Variants in ABHD18 observed in about 807,000 individuals in gnomAD.
The protein encoded by ABHD18 is abhydrolase domain containing 18.
ABHD18 carries 55 observed loss-of-function variants against 65.9 expected under a neutral mutation model. That is an observed-to-expected ratio of 0.84 (90% CI 0.67 to 1.05). The LOEUF (loss-of-function observed/expected upper bound fraction) is 1.05, where lower values mean the gene tolerates loss of function less well. Ranked by LOEUF, ABHD18 falls within the 50% of genes least tolerant of loss-of-function variation. The pLI, the probability that ABHD18 is intolerant of heterozygous loss-of-function variation, is 0.00. For synonymous variants in ABHD18, 181 were observed against 180.2 expected, an observed-to-expected ratio of 1.00 and a Z score of -0.04; for missense variants, 533 against 558.5, an observed-to-expected ratio of 0.95 and a Z score of 0.46.
chr4:127,966,797 A>G (rs2149023910), intron 1 of ABHD18, among the ~76,000 whole-genome samples: 1 of 145,210 alleles, frequency 6.9e-6, no homozygotes, highest in African/African-American at 2.6e-5. Context: ...AGGCAGGAGA[A>G]TCCCTTGAAC....
At chr4:127,967,782 T>G (rs1447481144) in intron 1 of ABHD18, among the ~76,000 whole-genome samples, 1 of 151,562 alleles carries the variant, frequency 6.6e-6, no homozygotes, top group Non-Finnish European at 1.5e-5. Context: ...CATATATATA[T>G]ATGTAATTTT....
chr4:128,021,058 T>A, intron 9 of ABHD18, 79 bp from the exon 10 acceptor site: 44 of 731,480 alleles, frequency 6.0e-5, no homozygotes, highest in Non-Finnish European at 8.9e-5. Flanking sequence ...AAAGGTAGTC[T>A]CACACAGTAA....
At chr4:128,002,674 C>T (rs766140871) in intron 4 of ABHD18, among the ~76,000 whole-genome samples, 6 of 152,042 alleles carry the variant, frequency 3.9e-5, no homozygotes, top group East Asian at 1.9e-4. Context: ...GACAGAGTCT[C>T]GCTCTGTCAC....
At chr4:128,021,397 G>T (rs920967679) in intron 10 of ABHD18, among the ~76,000 whole-genome samples, 159 bp downstream of exon 10, 3 of 151,952 alleles carry the variant, frequency 2.0e-5, no homozygotes, top group East Asian at 1.9e-4. Context: ...GGCATGGTGG[G>T]TCACACCTGT....
At chr4:127,974,783 T>A (rs1462813534) in intron 1 of ABHD18, among the ~76,000 whole-genome samples, 1 of 151,390 alleles carries the variant, frequency 6.6e-6, no homozygotes, top group African/African-American at 2.4e-5. Context: ...TCACCTGAGG[T>A]CAGGAGTTCG....
Position 128,028,665 on chromosome 4 carries a change from T to A in ABHD18, c.992T>A (p.Leu331Ter), listed in dbSNP as rs753277762. The change falls in exon 11 of 13, where the codon TTG (leucine) becomes TAG (stop). Residue 331 changes from leucine to a stop codon, truncating the protein, a stop_gained. Transcript: ENST00000645843. LOFTEE classifies it high-confidence loss of function. ...AGTGCGACATCAGAAGGACTCTTATTGCAAGATACCTCTAAGATGAAGCGC... is the reference window on the plus strand; with the variant it reads ...AGTGCGACATCAGAAGGACTCTTATAGCAAGATACCTCTAAGATGAAGCGC... ...SVSATSEGLL[L>*]QDTSKMKRFN... 2 of 1,613,866 alleles carry A rather than the reference T, an allele frequency of 1.2e-6. No homozygotes were observed. Among genetic ancestry groups the A allele is most frequent in the Non-Finnish European group, 1.7e-6 (2 of 1,179,852 alleles).
At chr4:128,027,979 A>T (rs1191269379) in intron 10 of ABHD18, among the ~76,000 whole-genome samples, 2 of 152,216 alleles carry the variant, frequency 1.3e-5, no homozygotes, top group East Asian at 3.8e-4. Flanking sequence ...AAGTCATGGT[A>T]AATATATACA....
At chr4:127,995,485 G>T (rs933221426) in intron 4 of ABHD18, among the ~76,000 whole-genome samples, 3 of 152,010 alleles carry the variant, frequency 2.0e-5, no homozygotes, top group Non-Finnish European at 4.4e-5. Flanking sequence ...AGAGTAGAAA[G>T]ATCAATATTT....
intron 10 of ABHD18, among the ~76,000 whole-genome samples, chr4:128,021,613 C>A (rs968239039): frequency 2.7e-5 from 4 of 150,108 alleles, no homozygotes; most frequent in African/African-American, 1.0e-4. Context: ...AAGATTGTGC[C>A]ACTGCACTGC....
rs1359236427 is a variant in ABHD18, at chr4:127,984,413, A to G, written c.167A>G (p.His56Arg). Residue 56 changes from histidine to arginine, a missense_variant, in exon 3 of 13, where the codon CAC (histidine) becomes CGC (arginine). By Grantham distance (29) the His-to-Arg change is conservative (BLOSUM62 0). Around this residue, in one of 3 missense-constraint regions of ABHD18, gnomAD observed 309 missense variants for 313.5 expected, o/e 0.99. Transcript: ENST00000645843. ...QNLVSSDYPVHIDKIEEQSDC... is the reference protein window; with the variant it reads ...QNLVSSDYPVRIDKIEEQSDC... ...CTGGTTTCAAGCGATTATCCAGTACACATTGATAAGGTATTCAAATGAGAG... is the reference window on the plus strand; with the variant it reads ...CTGGTTTCAAGCGATTATCCAGTACGCATTGATAAGGTATTCAAATGAGAG... The G allele has an allele frequency of 2.6e-6, 4 of 1,533,098 alleles. No homozygotes were observed. The East Asian group carries it at 7.3e-5, about 28-fold the overall frequency. The allele number at this position is 1,533,098 out of a possible 1,614,324, so 95.0% of individuals were successfully genotyped here.
intron 12 of ABHD18, among the ~76,000 whole-genome samples, chr4:128,034,345 C>T (rs75390812): frequency 0.044 from 6,742 of 152,146 alleles, 217 homozygotes; most frequent in Non-Finnish European, 0.075. Flanking sequence ...TTTTCCCCTT[C>T]CTATGTTTTG....
intron 1 of ABHD18, among the ~76,000 whole-genome samples, chr4:127,969,717 T>C (rs528755796): frequency 2.6e-4 from 39 of 152,184 alleles, no homozygotes; most frequent in South Asian, 8.3e-4. Flanking sequence ...AGTATATTAC[T>C]TTTCTTCTTA....
At chr4:128,034,117 C>A (rs538619668) in intron 12 of ABHD18, among the ~76,000 whole-genome samples, 2 of 151,734 alleles carry the variant, frequency 1.3e-5, no homozygotes, top group Non-Finnish European at 2.9e-5. Flanking sequence ...CACCACCACA[C>A]CCGGCTAATG....
At chr4:127,972,870 C>T (rs2093902228) in intron 1 of ABHD18, among the ~76,000 whole-genome samples, 1 of 151,972 alleles carries the variant, frequency 6.6e-6, no homozygotes, top group African/African-American at 2.4e-5. Flanking sequence ...CCATTTGTTT[C>T]ATGATTAAAA....
intron 4 of ABHD18, chr4:128,001,761 G>A: frequency 6.5e-7 from 1 of 1,546,278 alleles, no homozygotes; most frequent in Non-Finnish European, 8.7e-7. Context: ...TTCTACCTTT[G>A]TAGGTAACCA....
intron 7 of ABHD18, among the ~76,000 whole-genome samples, chr4:128,013,977 CTTTTTTTTTTTTT>C: frequency 8.7e-6 from 1 of 115,134 alleles, no homozygotes; most frequent in East Asian, 2.9e-4. Flanking sequence ...GAATTTCCAC[CTTTTTTTTTTTTT>C]TTTTTTTTTT....
At position 128,039,144 on chromosome 4, in the gene ABHD18, C is replaced by CATATATATATAT. The variant is rs61578534; in HGVS notation, c.*3361_*3372dup. The CATATATATATAT allele has an allele frequency of 1.2e-4, 12 of 99,752 alleles. No homozygotes were observed. Among genetic ancestry groups the CATATATATATAT allele is most frequent in the Non-Finnish European group, 1.6e-4 (8 of 49,856 alleles). 6.2% of individuals were successfully genotyped at this position (99,752 alleles called of 1,614,324 possible). ...TATGTATTATATATACACACATATG[C>CATATATATATAT]ATATATATATATATATATATATATA... On this transcript the variant is annotated 3_prime_UTR_variant, in exon 13 of 13. Transcript: ENST00000645843.
At chr4:127,976,027 T>A (rs112992888) in intron 1 of ABHD18, among the ~76,000 whole-genome samples, 25 of 152,258 alleles carry the variant, frequency 1.6e-4, no homozygotes, top group African/African-American at 5.5e-4. Flanking sequence ...GGTTTTGCCA[T>A]GTTAGCCAGG....
At chr4:128,015,077 A>T (rs1755254547) in intron 7 of ABHD18, among the ~76,000 whole-genome samples, 1 of 109,392 alleles carries the variant, frequency 9.1e-6, no homozygotes, top group Non-Finnish European at 1.9e-5. Flanking sequence ...AACTCCATCT[A>T]AAAAAAAAAA....
Sources: gnomAD v4.1 joint callset for allele counts (sites outside exome capture counted in the v4.1 genomes callset) on GRCh38, gnomAD v4.1.1 for gene constraint, gnomAD v4.1.1 regional missense constraint, MANE v1.5 for transcripts, NCBI Gene and HGNC (gene_info 2026-07-23, HGNC 2026-07-21) for gene names.